The following LOXL2 variants were observed in gnomAD, a reference collection of about 807,000 sequenced individuals.
LOXL2 encodes the protein lysyl oxidase like 2.
LOXL2 carries 70 observed loss-of-function variants against 93.0 expected under a neutral mutation model. The observed-to-expected ratio is 0.75, with a 90% CI of 0.62 to 0.92. The LOEUF (loss-of-function observed/expected upper bound fraction) is 0.92, where lower values mean the gene tolerates loss of function less well. LOXL2 is among the 40% of genes least tolerant of loss of function. The probability of loss-of-function intolerance (pLI) is 0.00; values close to 1 mark genes in which losing one functional copy is unlikely to be tolerated. For synonymous variants in LOXL2, 438 were observed against 413.2 expected, an observed-to-expected ratio of 1.06 and a Z score of -0.73; for missense variants, 973 against 1,054.9, an observed-to-expected ratio of 0.92 and a Z score of 1.08.
intron 6 of LOXL2, 70 bp from the exon 7 acceptor site, chr8:23,322,351 C>T (rs189709753): frequency 5.1e-4 from 740 of 1,438,894 alleles, no homozygotes; most frequent in Non-Finnish European, 6.7e-4. Flanking sequence ...CAAGAAAGCC[C>T]TGGACAATAA....
chr8:23,380,886 G>A (rs929089170), intron 1 of LOXL2, among the ~76,000 whole-genome samples: 3 of 152,200 alleles, frequency 2.0e-5, no homozygotes, highest in Admixed American at 6.5e-5. Context: ...GGTGGCAAGC[G>A]CCTGTAATCC....
intron 10 of LOXL2, among the ~76,000 whole-genome samples, chr8:23,306,192 A>G (rs1388099034): frequency 2.0e-5 from 3 of 152,210 alleles, no homozygotes; most frequent in Admixed American, 1.3e-4. Context: ...AAGCTGGTTC[A>G]GAGAAAGATG....
intron 2 of LOXL2, among the ~76,000 whole-genome samples, chr8:23,366,730 G>T (rs1804407503): frequency 6.6e-6 from 1 of 152,228 alleles, no homozygotes; most frequent in Non-Finnish European, 1.5e-5. Context: ...TGAGGTCTGG[G>T]CTGCAGCTCA....
intron 1 of LOXL2, among the ~76,000 whole-genome samples, chr8:23,380,779 T>C (rs112575936): frequency 0.047 from 7,081 of 152,172 alleles, 528 homozygotes; most frequent in African/African-American, 0.16. Context: ...TTTGGGAGGC[T>C]AAGGTGGCCA....
intron 2 of LOXL2, among the ~76,000 whole-genome samples, chr8:23,366,390 G>A (rs2117211701): frequency 6.6e-6 from 1 of 152,350 alleles, no homozygotes; most frequent in African/African-American, 2.4e-5. Flanking sequence ...ACCCCAAAAG[G>A]AAATTTTCAA....
chr8:23,313,529 A>G (rs1271207799), intron 9 of LOXL2, among the ~76,000 whole-genome samples: 2 of 147,544 alleles, frequency 1.4e-5, no homozygotes, highest in Non-Finnish European at 3.0e-5. Context: ...CAAACCTGAG[A>G]AAAACAAGCA....
intron 2 of LOXL2, among the ~76,000 whole-genome samples, chr8:23,362,078 T>C (rs1443226110): frequency 6.6e-6 from 1 of 152,200 alleles, no homozygotes; most frequent in African/African-American, 2.4e-5. Flanking sequence ...ATAACAGTAT[T>C]ATTCGCAATA....
chr8:23,391,855 G>A (rs1804849571), intron 1 of LOXL2, among the ~76,000 whole-genome samples: 1 of 152,198 alleles, frequency 6.6e-6, no homozygotes, highest in Admixed American at 6.5e-5. Context: ...GTGAAAGATG[G>A]TGGGAATCCT....
chr8:23,327,484 G>A (rs911090882), intron 6 of LOXL2, among the ~76,000 whole-genome samples: 18 of 152,132 alleles, frequency 1.2e-4, no homozygotes, highest in Admixed American at 6.5e-4. Flanking sequence ...CCGCTTGTCT[G>A]TAGCCTATTC....
At chr8:23,348,967 A>G (rs750682476) in intron 3 of LOXL2, among the ~76,000 whole-genome samples, 1 of 151,928 alleles carries the variant, frequency 6.6e-6, no homozygotes, top group Non-Finnish European at 1.5e-5. Flanking sequence ...CACCTTCCTC[A>G]GCACCTGAGA....
At position 23,329,530 on chromosome 8, in the gene LOXL2, T is replaced by TGCATGTGTGTGCATGCACAC. The variant is rs533520222; in HGVS notation, c.967-966_967-965insGTGTGCATGCACACACATGC. 8.4e-3 allele frequency among the ~76,000 whole-genome samples: 1,281 copies of TGCATGTGTGTGCATGCACAC among 152,318 alleles called. 76 individuals carry two copies. The East Asian group carries it at 0.16, about 19-fold the overall frequency. ...ATACCCAGGTTTGCATCTGTTTCTCTGCATGTGTGGCACGTGTGTGTGTAA... is the reference window on the plus strand; with the variant it reads ...ATACCCAGGTTTGCATCTGTTTCTCTGCATGTGTGTGCATGCACACGCATGTGTGGCACGTGTGTGTGTAA... On this transcript the variant is annotated intron_variant, in intron 5 of 13. Coordinates refer to ENST00000389131, the MANE Select transcript of LOXL2 (RefSeq NM_002318.3).
chr8:23,298,084 G>A lies in LOXL2; in HGVS notation c.2284C>T (p.His762Tyr), dbSNP rs1476123844. ...TGGTTGTTTAAGAGCCCGCTGAAGT[G>A]CTCAAACTTTTTTTCCGTCTCTTCG... Reference protein sequence around the residue: ...FSEETEKKFEHFSGLLNNQLS... With the variant: ...FSEETEKKFEYFSGLLNNQLS... Residue 762 changes from histidine (H) to tyrosine (Y), a missense_variant, in exon 14 of 14, where the codon CAC becomes TAC. Transcript: ENST00000389131. 4.3e-6 allele frequency: 7 copies of A among 1,613,842 alleles called. No homozygotes were observed. The highest frequency in any genetic ancestry group is 2.2e-5 in the South Asian group (2 of 91,052).
intron 8 of LOXL2, among the ~76,000 whole-genome samples, chr8:23,317,578 T>C (rs13259317): frequency 0.54 from 82,643 of 152,098 alleles, 25,324 homozygotes; most frequent in Non-Finnish European, 0.69. Flanking sequence ...GAAATCTATT[T>C]GCATAGGTCA....
intron 12 of LOXL2, among the ~76,000 whole-genome samples, chr8:23,299,530 C>G (rs1045525826): frequency 1.3e-5 from 2 of 152,186 alleles, no homozygotes; most frequent in African/African-American, 4.8e-5. Context: ...CCACCCACCC[C>G]TGTATCCGCA....
intron 3 of LOXL2, among the ~76,000 whole-genome samples, chr8:23,345,721 A>G (rs1249252297): frequency 7.1e-6 from 1 of 140,228 alleles, no homozygotes; most frequent in Non-Finnish European, 1.5e-5. Context: ...ATTAAAATAT[A>G]CACACACTTT....
chr8:23,307,738 A>T, intron 10 of LOXL2, among the ~76,000 whole-genome samples: 1 of 152,174 alleles, frequency 6.6e-6, no homozygotes, highest in African/African-American at 2.4e-5. Context: ...CAAAACCGTC[A>T]TGACTTTAAC....
At chr8:23,381,892 C>A (rs1408039158) in intron 1 of LOXL2, among the ~76,000 whole-genome samples, 3 of 152,224 alleles carry the variant, frequency 2.0e-5, no homozygotes, top group African/African-American at 7.2e-5. Flanking sequence ...ACTGGGCCCC[C>A]AAGCCTAACA....
intron 10 of LOXL2, among the ~76,000 whole-genome samples, chr8:23,307,627 G>T (rs2117144293): frequency 6.6e-6 from 1 of 152,280 alleles, no homozygotes; most frequent in South Asian, 2.1e-4. Flanking sequence ...GCCATATGCA[G>T]GGCTGGGATG....
chr8:23,359,209 A>T (rs1243130698), intron 3 of LOXL2, among the ~76,000 whole-genome samples: 3 of 152,104 alleles, frequency 2.0e-5, no homozygotes, highest in Admixed American at 6.6e-5. Context: ...AGTGGTAGCC[A>T]GCTTCCAAGA....
Sources: allele counts gnomAD v4.1 joint callset (sites outside exome capture counted in the v4.1 genomes callset), GRCh38; gene constraint gnomAD v4.1.1; transcripts MANE v1.5; gene names NCBI Gene and HGNC (gene_info 2026-07-23, HGNC 2026-07-21).